The following SLC37A1 variants were observed in gnomAD, a reference collection of about 807,000 sequenced individuals.
SLC37A1 encodes solute carrier family 37 member 1.
SLC37A1 carries 49 observed loss-of-function variants against 75.3 expected under a neutral mutation model. The observed-to-expected ratio is 0.65, with a 90% confidence interval of 0.52 to 0.83. SLC37A1 has a LOEUF of 0.83. Among genes scored for constraint, SLC37A1 ranks in the 40% least tolerant of loss-of-function variants. The pLI, the probability that SLC37A1 is intolerant of heterozygous loss-of-function variation, is 0.00. For synonymous variants in SLC37A1, 268 were observed against 292.1 expected, an observed-to-expected ratio of 0.92 and a Z score of 0.84; for missense variants, 566 against 695.0, an observed-to-expected ratio of 0.81 and a Z score of 2.09.
At chr21:42,563,380 A>G (rs964609285) in intron 12 of SLC37A1, among the ~76,000 whole-genome samples, 2 of 152,198 alleles carry the variant, frequency 1.3e-5, no homozygotes, top group East Asian at 1.9e-4. Context: ...CGGCTGGCTC[A>G]GTCCACCTTA....
chr21:42,557,716 CA>C lies in SLC37A1; in HGVS notation c.850-1241del, dbSNP rs1450933788. ...ACCCGGTTTCCAAATGTCTGTTTTC[CA>C]CTGGAAGAGAATTCTAAATATTCTA... On this transcript the variant is annotated intron_variant, in intron 10 of 19. Coordinates refer to ENST00000352133, the MANE Select transcript of SLC37A1 (RefSeq NM_001320537.2). Among the ~76,000 whole-genome samples the C allele has an allele frequency of 1.7e-4, 26 of 152,244 alleles. 1 individual carries two copies. Among genetic ancestry groups the C allele is most frequent in the Admixed American group, 1.6e-3 (25 of 15,290 alleles).
At chr21:42,572,655 C>G (rs1035033099) in intron 17 of SLC37A1, among the ~76,000 whole-genome samples, 1 of 134,014 alleles carries the variant, frequency 7.5e-6, no homozygotes, top group Non-Finnish European at 1.6e-5. Context: ...AAATTGATAA[C>G]AGGTTTTCAG....
In SLC37A1 at chr21:42,574,824, C is replaced by A. The variant is rs1319480825; in HGVS notation, c.1430C>A (p.Ala477Asp). ...TCCATTTGCCTGATTTCAGGAGCAG[C>A]CCTGGGCCCCCTGCTGGCTGGGCTC... ...IIDGTGSVGA[A>D]LGPLLAGLLS... The change falls in exon 18 of 20, where the codon GCC (alanine) becomes GAC (aspartate). Residue 477 changes from alanine to aspartate, a missense_variant. Physicochemically the swap from Ala to Asp is moderately radical, Grantham distance 126. Coordinates refer to ENST00000352133, the MANE Select transcript of SLC37A1 (RefSeq NM_001320537.2). 6.2e-7 allele frequency: 1 copy of A among 1,614,066 alleles called. No individual in the cohort carries two copies. The highest frequency in any genetic ancestry group is 1.1e-5 in the South Asian group (1 of 91,072).
rs115109371 is a variant in SLC37A1, at chr21:42,535,657, G to A, written c.350+107G>A. The A allele has an allele frequency of 1.7e-3, 1,625 of 938,874 alleles. 12 individuals carry two copies. In the African/African-American group the frequency reaches 0.021, roughly 12 times the overall value. 58.2% of individuals were successfully genotyped at this position (938,874 alleles called of 1,614,324 possible). ...ACAGGCGCGCGGGATTGAGGCCCCC[G>A]CTTGCCACTGGCTTCCCTGCTGTTC... On this transcript the variant is annotated intron_variant, in intron 5 of 19. Transcript: ENST00000352133.
In SLC37A1 at chr21:42,543,465, C is replaced by T; in HGVS notation, c.593C>T (p.Ser198Phe). Residue 198 changes from serine to phenylalanine, a missense_variant, in exon 8 of 20, where the codon TCC becomes TTC. Coordinates refer to ENST00000352133, the MANE Select transcript of SLC37A1 (RefSeq NM_001320537.2). The part of the protein sequence containing the change: ...RRGLIMGVWN[S>F]HTSVGNILGS... ...GGTTTGATTATGGGGGTCTGGAACT[C>T]CCACACCTCCGTGGGCAACATCTTG... 1 of 1,614,176 alleles carries T rather than the reference C, an allele frequency of 6.2e-7. No individual in the cohort carries two copies.
rs113847630 is a variant in SLC37A1 at position 42,518,526 on chromosome 21, G to T, written c.56+16G>T. 15 of 1,614,064 alleles carry T rather than the reference G, an allele frequency of 9.3e-6. 2 individuals carry two copies. The African/African-American group carries it at 1.1e-4, about 11-fold the overall frequency. On this transcript the variant is annotated intron_variant, in intron 2 of 19. Transcript: ENST00000352133. ...GGGATCAGTGGTGAGTCCTGGTGGG[G>T]CAGGCCCTTGGCATGGAGCTGTGTA...
chr21:42,542,370 C>T (rs944249729), intron 6 of SLC37A1, 34 bp from the exon 7 acceptor site: 17 of 1,604,604 alleles, frequency 1.1e-5, no homozygotes, highest in Non-Finnish European at 1.4e-5. Flanking sequence ...GCCTGCTTCC[C>T]ACAGGTCAGT....
intron 9 of SLC37A1, among the ~76,000 whole-genome samples, chr21:42,549,906 A>C (rs1250431486): frequency 1.3e-5 from 2 of 152,248 alleles, no homozygotes; most frequent in Non-Finnish European, 2.9e-5. Flanking sequence ...AAATAACAGC[A>C]TAACGAACCC....
intron 11 of SLC37A1, chr21:42,561,625 G>A (rs376202516): frequency 4.3e-5 from 7 of 162,124 alleles, no homozygotes; most frequent in Non-Finnish European, 5.5e-5. Context: ...TTTTCCAGGC[G>A]ATGTAGTATG....
chr21:42,504,465 TA>T (rs1444698952), intron 2 of SLC37A1, among the ~76,000 whole-genome samples: 1 of 152,246 alleles, frequency 6.6e-6, no homozygotes, highest in Non-Finnish European at 1.5e-5. Context: ...GAAACTTCTC[TA>T]TGTGTGTCAT....
intron 17 of SLC37A1, among the ~76,000 whole-genome samples, chr21:42,573,694 A>G (rs445554): frequency 0.64 from 97,266 of 151,848 alleles, 32,086 homozygotes; most frequent in African/African-American, 0.75. Flanking sequence ...TGCCTAGGGC[A>G]TGAAAGACCC....
intron 15 of SLC37A1, 89 bp downstream of exon 15, chr21:42,565,964 C>T (rs2055966759): frequency 7.3e-7 from 1 of 1,369,966 alleles, no homozygotes. Flanking sequence ...TCAACAGGCG[C>T]ATTGAGCTGG....
At chr21:42,546,815 T>C (rs1445561682) in intron 8 of SLC37A1, among the ~76,000 whole-genome samples, 1 of 152,244 alleles carries the variant, frequency 6.6e-6, no homozygotes, top group Admixed American at 6.5e-5. Flanking sequence ...TTTTATTAAA[T>C]TTTATTGTGT....
chr21:42,560,827 C>T (rs855265), intron 11 of SLC37A1, among the ~76,000 whole-genome samples: 95,763 of 152,054 alleles, frequency 0.63, 31,165 homozygotes, highest in African/African-American at 0.72. Flanking sequence ...ATACTTGTAC[C>T]AAAAGTAGGG....
chr21:42,518,055 C>A (rs1245388032), intron 1 of SLC37A1, among the ~76,000 whole-genome samples: 1 of 152,232 alleles, frequency 6.6e-6, no homozygotes, highest in African/African-American at 2.4e-5. Context: ...ATTTGAAATT[C>A]ATTTCCAGGT....
intron 6 of SLC37A1, among the ~76,000 whole-genome samples, chr21:42,540,669 G>A (rs979808861): frequency 2.6e-5 from 4 of 152,210 alleles, no homozygotes; most frequent in Admixed American, 6.5e-5. Context: ...TTCAGCAGCC[G>A]AGGGAAGCTG....
chr21:42,520,732 C>T (rs910267681), intron 2 of SLC37A1, among the ~76,000 whole-genome samples: 3 of 152,078 alleles, frequency 2.0e-5, no homozygotes, highest in East Asian at 1.9e-4. Context: ...CACTTTGGTC[C>T]GGGATCTTGG....
At chr21:42,515,138 A>G (rs955934770) in intron 1 of SLC37A1, among the ~76,000 whole-genome samples, 1 of 152,142 alleles carries the variant, frequency 6.6e-6, no homozygotes, top group African/African-American at 2.4e-5. Context: ...TGCAAATGGA[A>G]TTCAGGTTCC....
chr21:42,547,034 G>A lies in SLC37A1; in HGVS notation c.731-69G>A, dbSNP rs1435126098. On this transcript the variant is annotated intron_variant, in intron 8 of 19. Transcript: ENST00000352133. This position sits in a 1 kb window ranked among gnomAD's most constrained non-coding sequence, Gnocchi z 6.1. ...TGCTCCCGTGTTGCCCTGTCCTCGG[G>A]TTACGTAGCTTACTTGGCATTGCCA... 9.4e-6 allele frequency: 15 copies of A among 1,599,694 alleles called. No individual in the cohort carries two copies. The highest frequency in any genetic ancestry group is 1.7e-4 in the Middle Eastern group (1 of 5,980).
Sources: allele counts gnomAD v4.1 joint callset (sites outside exome capture counted in the v4.1 genomes callset), GRCh38; gene constraint gnomAD v4.1.1; non-coding constraint Gnocchi (gnomAD v3.1); transcripts MANE v1.5; gene names NCBI Gene and HGNC (gene_info 2026-07-23, HGNC 2026-07-21).